The following PRKCQ variants were observed in gnomAD, a reference collection of about 807,000 sequenced individuals.
The protein encoded by PRKCQ is protein kinase C theta type.
A neutral mutation model predicts 91.2 loss-of-function variants in PRKCQ; 41 were observed. The ratio of observed to expected loss-of-function variants is 0.45; its 90% CI spans 0.35 to 0.58. The LOEUF is 0.58. PRKCQ is among the 20% of genes least tolerant of loss of function. The probability of loss-of-function intolerance (pLI) is 0.00; values close to 1 mark genes in which losing one functional copy is unlikely to be tolerated. For synonymous variants in PRKCQ, 307 were observed against 316.9 expected, an observed-to-expected ratio of 0.97 and a Z score of 0.33; for missense variants, 673 against 896.5, an observed-to-expected ratio of 0.75 and a Z score of 3.18.
At chr10:6,538,550 TC>T (rs2130912329) in intron 1 of PRKCQ, among the ~76,000 whole-genome samples, 1 of 152,364 alleles carries the variant, frequency 6.6e-6, no homozygotes, top group Admixed American at 6.5e-5. Context: ...CCCTGGCTCC[TC>T]CTGCCTTTAG....
the PRKCQ span, among the ~76,000 whole-genome samples, chr10:6,413,151 A>G: frequency 0.96 from 146,241 of 151,896 alleles, 70,620 homozygotes; most frequent in East Asian, 1. Context: ...ACGGGGTTTC[A>G]CCATGTTAGC....
intron 15 of PRKCQ, among the ~76,000 whole-genome samples, chr10:6,450,917 A>G (rs1228999301): frequency 6.6e-6 from 1 of 152,200 alleles, no homozygotes; most frequent in Non-Finnish European, 1.5e-5. Flanking sequence ...TCTGGGACAC[A>G]TTCAAAGCAG....
intron 1 of PRKCQ, among the ~76,000 whole-genome samples, chr10:6,563,313 T>C (rs1588428521): frequency 6.6e-6 from 1 of 151,990 alleles, no homozygotes; most frequent in Non-Finnish European, 1.5e-5. Flanking sequence ...CTACTATGAC[T>C]GAGCTCTACT....
intron 3 of PRKCQ, among the ~76,000 whole-genome samples, chr10:6,510,074 A>C (rs546117191): frequency 9.8e-5 from 15 of 152,322 alleles, no homozygotes; most frequent in African/African-American, 3.1e-4. Flanking sequence ...ATGTTTAAAA[A>C]TCTGAGTTAT....
downstream of PRKCQ, among the ~76,000 whole-genome samples, chr10:6,426,031 G>A (rs1833112375): frequency 6.6e-6 from 1 of 152,158 alleles, no homozygotes; most frequent in South Asian, 2.1e-4. Context: ...AAATGGGGTA[G>A]AGCTGCCCCC....
At chr10:6,530,018 A>G (rs902850323) in intron 1 of PRKCQ, among the ~76,000 whole-genome samples, 15 of 152,224 alleles carry the variant, frequency 9.9e-5, no homozygotes, top group Admixed American at 9.8e-4. Context: ...GGATGAAGTG[A>G]CACACACATT....
intron 1 of PRKCQ, among the ~76,000 whole-genome samples, chr10:6,537,992 C>T (rs1839647502): frequency 6.6e-6 from 1 of 152,194 alleles, no homozygotes; most frequent in African/African-American, 2.4e-5. Flanking sequence ...ATCTGGCCTC[C>T]TGCAAAACAG....
At chr10:6,396,996 AT>A in the PRKCQ span, among the ~76,000 whole-genome samples, 1 of 152,166 alleles carries the variant, frequency 6.6e-6, no homozygotes, top group Non-Finnish European at 1.5e-5. Flanking sequence ...GTGCCAACTC[AT>A]TGTGGTTTTA....
chr10:6,442,976 A>T (rs7076533), intron 15 of PRKCQ, among the ~76,000 whole-genome samples: 1 of 151,854 alleles, frequency 6.6e-6, no homozygotes, highest in Non-Finnish European at 1.5e-5. Context: ...AACAAAAAAA[A>T]CCCCAAAGCA....
At chr10:6,532,544 G>C (rs1423134770) in intron 1 of PRKCQ, among the ~76,000 whole-genome samples, 1 of 151,586 alleles carries the variant, frequency 6.6e-6, no homozygotes, top group Non-Finnish European at 1.5e-5. Flanking sequence ...CTTGACATGT[G>C]CTTCAGTCTA....
rs1834004313 is a variant in PRKCQ at position 6,442,158 on chromosome 10, GC to G, written c.1648-78del. ...GACAACTCTTCCTGAGCGTCTCAAG[GC>G]CACTCAGTAAATGGTCGAGGATGAT... On this transcript the variant is annotated intron_variant, in intron 15 of 17. Coordinates refer to ENST00000263125, the MANE Select transcript of PRKCQ (RefSeq NM_006257.5). 5.7e-6 allele frequency: 8 copies of G among 1,409,004 alleles called. No individual in the cohort carries two copies. In the East Asian group the frequency reaches 1.7e-4, roughly 29 times the overall value. 87.3% of individuals were successfully genotyped at this position (1,409,004 alleles called of 1,614,324 possible).
At chr10:6,542,569 C>T (rs1380956901) in intron 1 of PRKCQ, among the ~76,000 whole-genome samples, 1 of 152,196 alleles carries the variant, frequency 6.6e-6, no homozygotes, top group African/African-American at 2.4e-5. Context: ...TATAACACAG[C>T]ATCTGCAGCT....
chr10:6,483,973 A>G (rs1836763806), intron 10 of PRKCQ, among the ~76,000 whole-genome samples: 1 of 152,266 alleles, frequency 6.6e-6, no homozygotes, highest in Admixed American at 6.5e-5. Context: ...AATTTTAGGA[A>G]AAAAATGATT....
intron 1 of PRKCQ, among the ~76,000 whole-genome samples, chr10:6,551,819 C>T (rs1464722462): frequency 6.6e-6 from 1 of 152,182 alleles, no homozygotes; most frequent in Non-Finnish European, 1.5e-5. Flanking sequence ...GATTTCTATT[C>T]CTTCGGTTAT....
intron 1 of PRKCQ, among the ~76,000 whole-genome samples, chr10:6,562,780 T>C (rs1007969337): frequency 6.6e-6 from 1 of 152,196 alleles, no homozygotes; most frequent in East Asian, 1.9e-4. Context: ...AAACAAGCTA[T>C]TTAACCTCAC....
rs548044370 is a variant in PRKCQ at position 6,455,958 on chromosome 10, A to C, written c.1647+716T>G. 2.0e-5 allele frequency among the ~76,000 whole-genome samples: 3 copies of C among 152,356 alleles called. No individual in the cohort carries two copies. The East Asian group carries it at 5.8e-4, about 29-fold the overall frequency. ...ATGCAGGGAGATTTGAAGATGAAAAAGCAACCAGAACAAGTGCTGTGCCAT... is the reference window on the plus strand; with the variant it reads ...ATGCAGGGAGATTTGAAGATGAAAACGCAACCAGAACAAGTGCTGTGCCAT... On this transcript the variant is annotated intron_variant, in intron 15 of 17. Coordinates refer to ENST00000263125, the MANE Select transcript of PRKCQ (RefSeq NM_006257.5).
At chr10:6,431,431 C>A (rs566331102) in intron 16 of PRKCQ, among the ~76,000 whole-genome samples, 2 of 152,180 alleles carry the variant, frequency 1.3e-5, no homozygotes, top group Admixed American at 6.5e-5. Flanking sequence ...CATACATACA[C>A]ATGAACACAT....
At position 6,483,317 on chromosome 10, in the gene PRKCQ, G is replaced by A. The variant is rs767355175; in HGVS notation, c.1179+123C>T. 3.5e-4 allele frequency: 460 copies of A among 1,313,732 alleles called. 2 individuals are homozygous for A. The highest frequency in any genetic ancestry group is 3.2e-3 in the Middle Eastern group (17 of 5,276). The allele number at this position is 1,313,732 out of a possible 1,614,324, so 81.4% of individuals were successfully genotyped here. On this transcript the variant is annotated intron_variant, in intron 11 of 17. Coordinates refer to ENST00000263125, the MANE Select transcript of PRKCQ (RefSeq NM_006257.5). Reference sequence around the variant, plus strand: ...CCCTATTTATTCAGCGCTCCCTCAGGAAAGCTGTCTCTGACACTCACATGC... The same window carrying A: ...CCCTATTTATTCAGCGCTCCCTCAGAAAAGCTGTCTCTGACACTCACATGC...
rs778191572 is a variant in PRKCQ, at chr10:6,498,382, C to T, written c.542+14G>A. On this transcript the variant is annotated intron_variant, in intron 5 of 17. Transcript: ENST00000263125. ...ATAACCCGAAGCTTGGAGGGAGATG[C>T]CAAGTTACTGTACCAGACAAACTCG... is the stretch of plus-strand genomic sequence containing the variant. 1 of 1,613,548 alleles carries T rather than the reference C, an allele frequency of 6.2e-7. No homozygotes were observed. Among genetic ancestry groups the T allele is most frequent in the Non-Finnish European group, 8.5e-7 (1 of 1,179,810 alleles).
Sources: gnomAD v4.1 joint callset for allele counts (sites outside exome capture counted in the v4.1 genomes callset) on GRCh38, gnomAD v4.1.1 for gene constraint, MANE v1.5 for transcripts, NCBI Gene and HGNC (gene_info 2026-07-23, HGNC 2026-07-21) for gene names.